Variants in AGBL1 observed in about 807,000 individuals in gnomAD.
AGBL1 encodes AGBL carboxypeptidase 1, also known as cytosolic carboxypeptidase 4.
Under a neutral mutation model 118.9 loss-of-function variants are expected in AGBL1, and 130 were observed. The ratio of observed to expected loss-of-function variants is 1.09; its 90% CI spans 0.95 to 1.26. The LOEUF (loss-of-function observed/expected upper bound fraction) is 1.26, where lower values mean the gene tolerates loss of function less well. AGBL1 is among the 50% of genes most tolerant of loss of function. AGBL1 has a pLI of 0.00. For synonymous variants in AGBL1, 555 were observed against 478.9 expected (o/e 1.16, Z -2.08); for missense variants, 1,584 against 1,298.1 (o/e 1.22, Z -3.38).
chr15:87,025,496 T>G (rs138484207), intron 24 of AGBL1, among the ~76,000 whole-genome samples: 85 of 151,974 alleles, frequency 5.6e-4, no homozygotes, highest in African/African-American at 2.0e-3. Context: ...AAATAAATCA[T>G]AGATGACACA....
intron 18 of AGBL1, among the ~76,000 whole-genome samples, chr15:86,490,430 CCT>C (rs1483976391): frequency 1.3e-5 from 2 of 152,048 alleles, no homozygotes; most frequent in East Asian, 3.9e-4. Context: ...GTTTTTGCAG[CCT>C]CTGAAGATTT....
At chr15:86,880,230 A>C (rs944798235) in intron 22 of AGBL1, among the ~76,000 whole-genome samples, 1 of 152,232 alleles carries the variant, frequency 6.6e-6, no homozygotes, top group Non-Finnish European at 1.5e-5. Context: ...TTTGAAAATC[A>C]CACTATAAAA....
intron 6 of AGBL1, among the ~76,000 whole-genome samples, chr15:86,226,132 T>C (rs998300760): frequency 6.6e-5 from 10 of 152,098 alleles, no homozygotes; most frequent in Non-Finnish European, 1.2e-4. Context: ...AGGAAGGGCT[T>C]ATGAAGCCCT....
chr15:86,908,166 A>C lies in AGBL1; in HGVS notation c.*872A>C, dbSNP rs981969623. The stretch of plus-strand genomic sequence containing the variant: ...TGGATAAGTATATCTATATCATAAA[A>C]TTATTGTAGGATGAAATGAGATGAT... On this transcript the variant is annotated 3_prime_UTR_variant, in exon 23 of 23. Coordinates refer to ENST00000614907, the MANE Select transcript of AGBL1 (RefSeq NM_001386094.1). The C allele has an allele frequency of 3.9e-5, 6 of 152,220 alleles. No individual in the cohort carries two copies. The highest frequency in any genetic ancestry group is 1.4e-4 in the African/African-American group (6 of 41,458). 9.4% of individuals were successfully genotyped at this position (152,220 alleles called of 1,614,324 possible).
At chr15:86,646,754 A>G (rs1476510991) in intron 21 of AGBL1, among the ~76,000 whole-genome samples, 1 of 152,160 alleles carries the variant, frequency 6.6e-6, no homozygotes, top group Non-Finnish European at 1.5e-5. Flanking sequence ...CCTTGATCAC[A>G]TTATTTTCAT....
At chr15:86,443,827 A>G (rs552338629) in intron 18 of AGBL1, among the ~76,000 whole-genome samples, 182 of 151,958 alleles carry the variant, frequency 1.2e-3, no homozygotes, top group Non-Finnish European at 2.0e-3. Flanking sequence ...TATATAGGCC[A>G]CATTTTCTTT....
intron 21 of AGBL1, among the ~76,000 whole-genome samples, chr15:86,600,000 G>T (rs1486388306): frequency 6.6e-6 from 1 of 152,100 alleles, no homozygotes; most frequent in Non-Finnish European, 1.5e-5. Flanking sequence ...TAAATTGGCA[G>T]TACATTTAGT....
chr15:86,157,828 T>C (rs182633820), intron 4 of AGBL1, among the ~76,000 whole-genome samples: 1 of 152,170 alleles, frequency 6.6e-6, no homozygotes, highest in Non-Finnish European at 1.5e-5. Flanking sequence ...CCAATGAGGA[T>C]GTTCACAGAG....
At chr15:86,168,248 G>T (rs1232232343) in intron 5 of AGBL1, among the ~76,000 whole-genome samples, 3 of 152,222 alleles carry the variant, frequency 2.0e-5, no homozygotes, top group East Asian at 1.9e-4. Context: ...TAAGAGGGAG[G>T]GTTTCAGTCT....
intron 5 of AGBL1, among the ~76,000 whole-genome samples, chr15:86,179,364 G>A (rs1045126491): frequency 6.6e-6 from 1 of 152,174 alleles, no homozygotes; most frequent in Non-Finnish European, 1.5e-5. Context: ...ACAAGATCAA[G>A]ATCAAGTGAT....
At chr15:86,271,043 A>ATTTTTTTTTTTT (rs58166692) in intron 14 of AGBL1, among the ~76,000 whole-genome samples, 1 of 89,062 alleles carries the variant, frequency 1.1e-5, no homozygotes, top group Non-Finnish European at 2.0e-5. Flanking sequence ...GTCACGTTGC[A>ATTTTTTTTTTTT]TTTTTTTTTT....
At chr15:86,483,939 C>T (rs1567018550) in intron 18 of AGBL1, among the ~76,000 whole-genome samples, 1 of 152,094 alleles carries the variant, frequency 6.6e-6, no homozygotes, top group Non-Finnish European at 1.5e-5. Flanking sequence ...AGTCAGTATT[C>T]AGCTGAATGA....
chr15:86,822,270 A>G (rs1035382150), intron 22 of AGBL1, among the ~76,000 whole-genome samples: 1 of 152,198 alleles, frequency 6.6e-6, no homozygotes, highest in Non-Finnish European at 1.5e-5. Flanking sequence ...GATAGCCACC[A>G]CAATGACATA....
intron 5 of AGBL1, among the ~76,000 whole-genome samples, chr15:86,166,078 T>C (rs1419805258): frequency 1.3e-5 from 2 of 152,188 alleles, no homozygotes; most frequent in Non-Finnish European, 2.9e-5. Context: ...TCTTATCATC[T>C]CCTTCATCTT....
intron 5 of AGBL1, among the ~76,000 whole-genome samples, chr15:86,170,870 A>C (rs541095520): frequency 6.5e-4 from 89 of 137,208 alleles, no homozygotes; most frequent in African/African-American, 2.8e-3. Flanking sequence ...CAAACAAAAA[A>C]CTCAAAACCA....
At chr15:86,472,191 A>G (rs530711602) in intron 18 of AGBL1, among the ~76,000 whole-genome samples, 32 of 152,228 alleles carry the variant, frequency 2.1e-4, no homozygotes, top group Non-Finnish European at 4.6e-4. Context: ...CATTTCTGTT[A>G]TCACCAAGTT....
chr15:86,233,237 C>T (rs1424009822), intron 6 of AGBL1, among the ~76,000 whole-genome samples: 1 of 152,192 alleles, frequency 6.6e-6, no homozygotes, highest in East Asian at 1.9e-4. Context: ...CATTGATTGG[C>T]TCTGTGACTT....
intron 5 of AGBL1, among the ~76,000 whole-genome samples, chr15:86,199,983 G>A (rs1258962553): frequency 6.6e-6 from 1 of 152,128 alleles, no homozygotes; most frequent in Non-Finnish European, 1.5e-5. Flanking sequence ...CTGTTTGCAA[G>A]AGCCAAGGTA....
intron 24 of AGBL1, among the ~76,000 whole-genome samples, chr15:86,996,651 G>T (rs8038098): frequency 0.098 from 14,884 of 152,090 alleles, 1,270 homozygotes; most frequent in African/African-American, 0.23. Context: ...GGCTTTGATT[G>T]ATTCTATTAT....
Sources: gnomAD v4.1 joint callset for allele counts (sites outside exome capture counted in the v4.1 genomes callset) on GRCh38, gnomAD v4.1.1 for gene constraint, MANE v1.5 for transcripts, NCBI Gene and HGNC (gene_info 2026-07-23, HGNC 2026-07-21) for gene names.